Variants in TTC39A observed in about 807,000 individuals in gnomAD.
TTC39A encodes tetratricopeptide repeat domain 39A, also known as tetratricopeptide repeat protein 39A.
A neutral mutation model predicts 82.3 loss-of-function variants in TTC39A; 46 were observed. That is an observed-to-expected ratio of 0.56 (90% CI 0.44 to 0.71). The LOEUF is 0.71. Ranked by LOEUF, TTC39A falls within the 30% of genes least tolerant of loss-of-function variation. The pLI is 0.00. For missense variants in TTC39A, 543 were observed against 712.9 expected, an observed-to-expected ratio of 0.76 and a Z score of 2.71; for synonymous variants, 254 against 275.2, an observed-to-expected ratio of 0.92 and a Z score of 0.76.
intron 7 of TTC39A, 59 bp from the exon 8 acceptor site, chr1:51,305,205 C>G: frequency 1.3e-6 from 2 of 1,540,124 alleles, no homozygotes; most frequent in Non-Finnish European, 1.8e-6. Context: ...GGGGCCACCC[C>G]CACTGTCCCA....
chr1:51,294,274 C>A lies in TTC39A; in HGVS notation c.1266+117G>T. On this transcript the variant is annotated intron_variant, in intron 14 of 17. Coordinates refer to ENST00000680483, the MANE Select transcript of TTC39A (RefSeq NM_001297663.2). The surrounding 1 kb of genome is among the most constrained non-coding windows in gnomAD (Gnocchi z 4.3). Reference sequence around the variant, plus strand: ...CCCAGGTGAATTGTGAAACCCTCCCCAGGCCCCTGAGGCATGAAGGTCTTT... The same window carrying A: ...CCCAGGTGAATTGTGAAACCCTCCCAAGGCCCCTGAGGCATGAAGGTCTTT... 1 of 1,510,914 alleles carries A rather than the reference C, an allele frequency of 6.6e-7. No individual in the cohort carries two copies. Among genetic ancestry groups the A allele is most frequent in the Non-Finnish European group, 8.9e-7 (1 of 1,122,334 alleles). The allele number at this position is 1,510,914 out of a possible 1,614,324, so 93.6% of individuals were successfully genotyped here. A position where few individuals can be genotyped will look rare whatever the true frequency, so the allele number is the denominator to read the frequency against.
chr1:51,290,984 T>C (rs1333549202), intron 14 of TTC39A, among the ~76,000 whole-genome samples: 1 of 152,210 alleles, frequency 6.6e-6, no homozygotes, highest in African/African-American at 2.4e-5. Flanking sequence ...TTCTGTCCTT[T>C]GAGGACCAGG....
intron 11 of TTC39A, 47 bp from the exon 12 acceptor site, chr1:51,301,780 A>G (rs752754632): frequency 1.3e-6 from 2 of 1,580,578 alleles, no homozygotes; most frequent in East Asian, 4.5e-5. Context: ...CCCAGCCCCA[A>G]CCCCTCTGCA....
intron 1 of TTC39A, among the ~76,000 whole-genome samples, chr1:51,341,947 T>G (rs930871096): frequency 2.0e-5 from 3 of 152,212 alleles, no homozygotes; most frequent in Non-Finnish European, 4.4e-5. Flanking sequence ...GAGCAGGAAT[T>G]CTGACTACAG....
chr1:51,301,283 T>A (rs1569830103), intron 12 of TTC39A: 2 of 298,588 alleles, frequency 6.7e-6, no homozygotes, highest in East Asian at 1.1e-4. Flanking sequence ...GTGACTACCA[T>A]ATTTGGGCAG....
At chr1:51,302,450 C>A (rs749251050) in intron 10 of TTC39A, 34 bp from the exon 11 acceptor site, 3 of 1,606,454 alleles carry the variant, frequency 1.9e-6, no homozygotes, top group Admixed American at 1.7e-5. Flanking sequence ...CGTGTGGGTC[C>A]GTGGGGTCTG....
chr1:51,335,889 A>T (rs1046026922), upstream of TTC39A, among the ~76,000 whole-genome samples: 1 of 152,122 alleles, frequency 6.6e-6, no homozygotes, highest in Non-Finnish European at 1.5e-5. Flanking sequence ...CAGTTTTCCC[A>T]TCTATAAACC....
In TTC39A at chr1:51,330,481, C is replaced by T. The variant is rs1261679901; in HGVS notation, c.-4G>A. 2 of 983,518 alleles carry T rather than the reference C, an allele frequency of 2.0e-6. No individual in the cohort carries two copies. The highest frequency in any genetic ancestry group is 2.4e-6 in the Non-Finnish European group (2 of 830,174). 60.9% of individuals were successfully genotyped at this position (983,518 alleles called of 1,614,324 possible). ...GGGCGCCGCCAGCCGAGGTCATCGC[C>T]GAGGGGCGCGGGCGGCGCTGCCCCA... On this transcript the variant is annotated 5_prime_UTR_variant, in exon 1 of 18. Coordinates refer to ENST00000680483, the MANE Select transcript of TTC39A (RefSeq NM_001297663.2). This position sits in a 1 kb window ranked among gnomAD's most constrained non-coding sequence, Gnocchi z 4.5.
chr1:51,290,547 T>C lies in TTC39A; in HGVS notation c.1345A>G (p.Thr449Ala). Residue 449 changes from threonine to alanine, a missense_variant, in exon 15 of 18, where the codon ACT becomes GCT. Physicochemically the swap from Thr to Ala is moderately conservative, Grantham distance 58 (BLOSUM62 0). Coordinates refer to ENST00000680483, the MANE Select transcript of TTC39A (RefSeq NM_001297663.2). ...KLTDGILEII[T>A]KAEEMLEKGP... Reference sequence around the variant, plus strand: ...TTCTCCAGCATCTCTTCAGCCTTAGTGATAATCTCAAGTATCCCATCCGTG... The same window carrying C: ...TTCTCCAGCATCTCTTCAGCCTTAGCGATAATCTCAAGTATCCCATCCGTG... 3 of 1,613,990 alleles carry C rather than the reference T, an allele frequency of 1.9e-6. No homozygotes were observed. The highest frequency in any genetic ancestry group is 1.7e-6 in the Non-Finnish European group (2 of 1,179,878).
chr1:51,302,837 C>G (rs1644725306), intron 9 of TTC39A, among the ~76,000 whole-genome samples: 1 of 152,222 alleles, frequency 6.6e-6, no homozygotes, highest in South Asian at 2.1e-4. Flanking sequence ...AGTGTCTTCA[C>G]ACCCTCTACA....
rs150603284 is a variant in TTC39A, at chr1:51,329,351, G to C, written c.41+1086C>G. Among the ~76,000 whole-genome samples, 607 of 152,288 alleles carry C rather than the reference G, an allele frequency of 4.0e-3. 6 individuals are homozygous for C. The highest frequency in any genetic ancestry group is 0.014 in the African/African-American group (591 of 41,556). ...GCCCAGAACAGGAAAGGAACAGCCA[G>C]CCCCACTTCTGTGTTTTCCAAAGGA... On this transcript the variant is annotated intron_variant, in intron 1 of 17. Coordinates refer to ENST00000680483, the MANE Select transcript of TTC39A (RefSeq NM_001297663.2).
chr1:51,328,080 G>C (rs1038073002), intron 1 of TTC39A, among the ~76,000 whole-genome samples: 4 of 152,194 alleles, frequency 2.6e-5, no homozygotes, highest in Non-Finnish European at 5.9e-5. Context: ...AGGCGCAGTG[G>C]CTTACTCCTG....
intron 9 of TTC39A, 94 bp downstream of exon 9, chr1:51,302,990 G>T: frequency 8.6e-7 from 1 of 1,158,520 alleles, no homozygotes; most frequent in Non-Finnish European, 1.2e-6. Flanking sequence ...CCTATCCCTA[G>T]CCACAGGGCA....
intron 14 of TTC39A, 87 bp from the exon 15 acceptor site, chr1:51,290,712 G>A: frequency 9.3e-7 from 1 of 1,069,620 alleles, no homozygotes; most frequent in Non-Finnish European, 1.4e-6. Context: ...GTTCAGATCA[G>A]AGGTTCACTA....
At chr1:51,293,568 G>T (rs1016482351) in intron 14 of TTC39A, among the ~76,000 whole-genome samples, 1 of 152,158 alleles carries the variant, frequency 6.6e-6, no homozygotes, top group Admixed American at 6.5e-5. Flanking sequence ...AGAGGGAACC[G>T]ACCTAAAGCT....
chr1:51,305,243 G>A (rs1644826930), intron 7 of TTC39A, 97 bp from the exon 8 acceptor site: 4 of 1,212,770 alleles, frequency 3.3e-6, no homozygotes, highest in Non-Finnish European at 4.8e-6. Context: ...GGCTTTACCT[G>A]GAGGGGAGAG....
intron 2 of TTC39A, among the ~76,000 whole-genome samples, chr1:51,317,529 G>A (rs911199849): frequency 2.6e-5 from 4 of 152,178 alleles, no homozygotes; most frequent in Non-Finnish European, 4.4e-5. Flanking sequence ...CGGGTGGATC[G>A]CCTGAGGTCA....
chr1:51,302,666 C>T, intron 9 of TTC39A, 93 bp from the exon 10 acceptor site: 1 of 1,328,724 alleles, frequency 7.5e-7, no homozygotes, highest in Non-Finnish European at 1.1e-6. Flanking sequence ...CCAGGGTCTC[C>T]CCCTCCCCCT....
At chr1:51,290,418 G>T in intron 15 of TTC39A, 96 bp downstream of exon 15, 2 of 1,091,218 alleles carry the variant, frequency 1.8e-6, no homozygotes, top group Non-Finnish European at 2.6e-6. Flanking sequence ...GAGTTGCCAG[G>T]GTAGGGAAAG....
Sources: gnomAD v4.1 joint callset for allele counts (sites outside exome capture counted in the v4.1 genomes callset) on GRCh38, gnomAD v4.1.1 for gene constraint, Gnocchi (gnomAD v3.1) non-coding constraint, MANE v1.5 for transcripts, NCBI Gene and HGNC (gene_info 2026-07-23, HGNC 2026-07-21) for gene names.